CARS2: variants seen among roughly 807,000 people sequenced by gnomAD.
CARS2 encodes probable cysteine--tRNA ligase, mitochondrial.
In CARS2, 52 loss-of-function variants were observed where a neutral mutation model predicts 68.8. The ratio of observed to expected loss-of-function variants is 0.76; its 90% CI spans 0.61 to 0.95. CARS2 has a LOEUF of 0.95. Among genes scored for constraint, CARS2 ranks in the 40% least tolerant of loss-of-function variants. The probability of loss-of-function intolerance (pLI) is 0.00; values close to 1 mark genes in which losing one functional copy is unlikely to be tolerated. For synonymous variants in CARS2, 314 were observed against 303.6 expected, an observed-to-expected ratio of 1.03 and a Z score of -0.36; for missense variants, 780 against 754.2, an observed-to-expected ratio of 1.03 and a Z score of -0.40.
chr13:110,660,606 G>A (rs2062476684), intron 9 of CARS2, among the ~76,000 whole-genome samples: 1 of 152,198 alleles, frequency 6.6e-6, no homozygotes, highest in Non-Finnish European at 1.5e-5. Context: ...ATGACCAGGT[G>A]CACTGTCAAT....
At chr13:110,664,094 C>A (rs551715713) in intron 8 of CARS2, 2 of 786,862 alleles carry the variant, frequency 2.5e-6, no homozygotes, top group East Asian at 2.8e-4. Flanking sequence ...TTAAGGAACT[C>A]CTGAATCTGA....
Position 110,692,972 on chromosome 13 carries a change from T to G in CARS2, c.394-4954A>C, listed in dbSNP as rs552657886. On this transcript the variant is annotated intron_variant, in intron 3 of 14. Coordinates refer to ENST00000257347, the MANE Select transcript of CARS2 (RefSeq NM_024537.4). The stretch of plus-strand genomic sequence containing the variant: ...TAAAAATACAAAAATTAGCTGGGTG[T>G]GGTGGTGGGCGCCTGTAATCCCAGC... Among the ~76,000 whole-genome samples, 20 of 151,420 alleles carry G rather than the reference T, an allele frequency of 1.3e-4. 1 individual carries two copies. In the South Asian group the frequency reaches 4.0e-3, roughly 30 times the overall value.
rs1312978812 is a variant in CARS2, at chr13:110,653,518, C to G, written c.988-2418G>C. 1.3e-5 allele frequency among the ~76,000 whole-genome samples: 2 copies of G among 152,198 alleles called. No homozygotes were observed. The highest frequency in any genetic ancestry group is 2.9e-5 in the Non-Finnish European group (2 of 68,040). On this transcript the variant is annotated intron_variant, in intron 9 of 14. Transcript: ENST00000257347. The surrounding 1 kb of genome is among the most constrained non-coding windows in gnomAD (Gnocchi z 5.6). ...CACCACTCCACAAGCAGCCTCCACG[C>G]TCCCCACTTCATTCCAAAAACGATT...
upstream of CARS2, among the ~76,000 whole-genome samples, chr13:110,710,287 C>T (rs1032687811): frequency 1.5e-4 from 23 of 152,126 alleles, no homozygotes; most frequent in African/African-American, 5.3e-4. Context: ...GAGGCTGAGG[C>T]AGGAGAATCG....
In CARS2 at chr13:110,653,848, C is replaced by T. The variant is rs959890113; in HGVS notation, c.988-2748G>A. 1.3e-5 allele frequency among the ~76,000 whole-genome samples: 2 copies of T among 152,228 alleles called. No individual in the cohort carries two copies. Among genetic ancestry groups the T allele is most frequent in the African/African-American group, 4.8e-5 (2 of 41,466 alleles). On this transcript the variant is annotated intron_variant, in intron 9 of 14. Transcript: ENST00000257347. This position sits in a 1 kb window ranked among gnomAD's most constrained non-coding sequence, Gnocchi z 5.6. Reference sequence around the variant, plus strand: ...AAAACTCTTGAATACTGTGGGTGCACACGGACATTAATTTTTTAGCGTGTT... The same window carrying T: ...AAAACTCTTGAATACTGTGGGTGCATACGGACATTAATTTTTTAGCGTGTT...
chr13:110,706,247 G>T, upstream of CARS2: 1 of 481,660 alleles, frequency 2.1e-6, no homozygotes, highest in Non-Finnish European at 3.1e-6. Flanking sequence ...CCTCCCTTTG[G>T]CCTGGCTCGA....
intron 10 of CARS2, among the ~76,000 whole-genome samples, chr13:110,649,931 C>CTGTTTTTTTTTTTTTGTTTTT: frequency 1.4e-5 from 1 of 73,146 alleles, no homozygotes; most frequent in East Asian, 4.5e-4. Context: ...TGGATAACGA[C>CTGTTTTTTTTTTTTTGTTTTT]TTTTTTTTTT....
At position 110,705,734 on chromosome 13, in the gene CARS2, C is replaced by A. The variant is rs924669895; in HGVS notation, c.224+136G>T. 2.0e-5 allele frequency: 30 copies of A among 1,535,212 alleles called. No individual in the cohort carries two copies. Among genetic ancestry groups the A allele is most frequent in the Non-Finnish European group, 2.6e-5 (30 of 1,141,938 alleles). Reference sequence around the variant, plus strand: ...TTCACACCCAAACCTGCAAAAGCACCGCGCACCCCCAGCTTCTAGAACGGC... The same window carrying A: ...TTCACACCCAAACCTGCAAAAGCACAGCGCACCCCCAGCTTCTAGAACGGC... On this transcript the variant is annotated intron_variant, in intron 1 of 14. Transcript: ENST00000257347. This position sits in a 1 kb window ranked among gnomAD's most constrained non-coding sequence, Gnocchi z 4.0.
Position 110,641,499 on chromosome 13 carries a change from C to A in CARS2, c.*38G>T. ...GCCTTGACCCTGAGAAGCATGGGTGCGTCTTGTCGTGAGCAGGTTCATGGC... is the reference window on the plus strand; with the variant it reads ...GCCTTGACCCTGAGAAGCATGGGTGAGTCTTGTCGTGAGCAGGTTCATGGC... On this transcript the variant is annotated 3_prime_UTR_variant, in exon 15 of 15. Transcript: ENST00000257347. 6.6e-7 allele frequency: 1 copy of A among 1,512,754 alleles called. No individual in the cohort carries two copies. Among genetic ancestry groups the A allele is most frequent in the Non-Finnish European group, 9.2e-7 (1 of 1,087,584 alleles). 93.7% of individuals were successfully genotyped at this position (1,512,754 alleles called of 1,614,324 possible).
rs887782767 is a variant in CARS2 at position 110,670,598 on chromosome 13, A to G, written c.786-3125T>C. 2.0e-5 allele frequency among the ~76,000 whole-genome samples: 3 copies of G among 152,302 alleles called. No individual in the cohort carries two copies. The highest frequency in any genetic ancestry group is 4.8e-5 in the African/African-American group (2 of 41,566). On this transcript the variant is annotated intron_variant, in intron 7 of 14. Transcript: ENST00000257347. This position sits in a 1 kb window ranked among gnomAD's most constrained non-coding sequence, Gnocchi z 4.1. ...CCAAAGGTAGACAAAAACCACAAAGATGGGGAGAAACCAGAGCAGAAAAGC... is the reference window on the plus strand; with the variant it reads ...CCAAAGGTAGACAAAAACCACAAAGGTGGGGAGAAACCAGAGCAGAAAAGC...
Position 110,642,401 on chromosome 13 carries a change from G to T in CARS2, c.1537C>A (p.Arg513=). The change falls in exon 14 of 15, where the codon CGG becomes AGG. Residue 513 remains arginine (R), a synonymous_variant. Transcript: ENST00000257347. ...GGCTGCCTTTCTAGGAGCTGCTGCC[G>T]CCGGGCGTCCCCCGTGGCCTCGGGC... The part of the protein sequence containing the change: ...AMPEATGDAR[R]QQLLERQPLL... 1 of 1,580,436 alleles carries T rather than the reference G, an allele frequency of 6.3e-7. No individual in the cohort carries two copies. Among genetic ancestry groups the T allele is most frequent in the Non-Finnish European group, 8.6e-7 (1 of 1,163,032 alleles).
At chr13:110,710,737 TAA>T (rs2064019851), upstream of CARS2, among the ~76,000 whole-genome samples, 1 of 152,214 alleles carries the variant, frequency 6.6e-6, no homozygotes, top group Non-Finnish European at 1.5e-5. Flanking sequence ...AGGGGTGGGC[TAA>T]AAGTTTTATG....
intron 8 of CARS2, chr13:110,664,052 T>C: frequency 1.0e-6 from 1 of 985,330 alleles, no homozygotes; most frequent in Non-Finnish European, 1.2e-6. Context: ...ATCCCCTATG[T>C]ATGTGAAAGA....
At chr13:110,713,313 G>C in exon 1 of CARS2, 1 of 1,179,556 alleles carries the variant, frequency 8.5e-7, no homozygotes, top group Non-Finnish European at 1.1e-6. Flanking sequence ...CATGGTCTCG[G>C]AGGTTTCTGT....
intron 2 of CARS2, among the ~76,000 whole-genome samples, chr13:110,702,613 G>C (rs1413055960): frequency 6.6e-6 from 1 of 152,218 alleles, no homozygotes; most frequent in Non-Finnish European, 1.5e-5. Flanking sequence ...GCTTGGCCCA[G>C]AGGAGCCCAG....
At position 110,684,896 on chromosome 13, in the gene CARS2, T is replaced by C. The variant is rs145367066; in HGVS notation, c.572-1762A>G. On this transcript the variant is annotated intron_variant, in intron 5 of 14. Transcript: ENST00000257347. ...AAATTACAACCAAGCCCTTGTGGAA[T>C]TGTAACAAAGTCCAAATTACTGGGG... 1.9e-3 allele frequency among the ~76,000 whole-genome samples: 293 copies of C among 152,316 alleles called. 2 individuals are homozygous for C. Among genetic ancestry groups the C allele is most frequent in the Non-Finnish European group, 3.0e-3 (206 of 68,026 alleles).
chr13:110,696,582 T>C (rs2063630246), intron 3 of CARS2, among the ~76,000 whole-genome samples: 1 of 152,246 alleles, frequency 6.6e-6, no homozygotes, highest in South Asian at 2.1e-4. Context: ...ATACATGTTT[T>C]ATTACATTGA....
chr13:110,673,330 C>T (rs1273870737), intron 7 of CARS2, among the ~76,000 whole-genome samples: 9 of 152,200 alleles, frequency 5.9e-5, no homozygotes, highest in East Asian at 1.9e-4. Context: ...ACTGGCAAAC[C>T]GAATCCAGCA....
chr13:110,692,089 C>T (rs566964078), intron 3 of CARS2, among the ~76,000 whole-genome samples: 15 of 146,508 alleles, frequency 1.0e-4, no homozygotes, highest in African/African-American at 3.8e-4. Context: ...TATATATACA[C>T]ACACATATAT....
Sources: allele counts gnomAD v4.1 joint callset (sites outside exome capture counted in the v4.1 genomes callset), GRCh38; gene constraint gnomAD v4.1.1; non-coding constraint Gnocchi (gnomAD v3.1); transcripts MANE v1.5; gene names NCBI Gene and HGNC (gene_info 2026-07-23, HGNC 2026-07-21).